MVB12B: variants seen among roughly 807,000 people sequenced by gnomAD.
MVB12B encodes the protein ESCRT-I complex subunit MVB12B.
A neutral mutation model predicts 41.6 loss-of-function variants in MVB12B; 16 were observed. That is an observed-to-expected ratio of 0.38 (90% CI 0.26 to 0.58). MVB12B has a LOEUF of 0.58. Among genes scored for constraint, MVB12B ranks in the 20% least tolerant of loss-of-function variants. The probability of loss-of-function intolerance (pLI) is 0.62; values close to 1 mark genes in which losing one functional copy is unlikely to be tolerated. For missense variants in MVB12B, 274 were observed against 380.2 expected, an observed-to-expected ratio of 0.72 and a Z score of 2.32; for synonymous variants, 133 against 139.7, an observed-to-expected ratio of 0.95 and a Z score of 0.34.
chr9:126,506,106 C>G lies in MVB12B; in HGVS notation c.*2843C>G, dbSNP rs76593810. On this transcript the variant is annotated 3_prime_UTR_variant, in exon 10 of 10. Transcript: ENST00000361171. ...TTGCAAATGTATAATTAAGGCCTTT[C>G]TTCCCACCCCAAGTCCAAGAACAAA... 3.6e-3 allele frequency: 545 copies of G among 152,562 alleles called. 8 individuals carry two copies. The East Asian group carries it at 0.04, about 11-fold the overall frequency. The allele number at this position is 152,562 out of a possible 1,614,324, so 9.5% of individuals were successfully genotyped here.
intron 9 of MVB12B, among the ~76,000 whole-genome samples, chr9:126,500,529 G>A (rs1588216978): frequency 6.6e-6 from 1 of 152,330 alleles, no homozygotes; most frequent in East Asian, 1.9e-4. Context: ...CAGACCAGCA[G>A]CATGGGGTTA....
At chr9:126,385,489 C>T (rs1830757236) in intron 3 of MVB12B, among the ~76,000 whole-genome samples, 1 of 152,122 alleles carries the variant, frequency 6.6e-6, no homozygotes. Context: ...AGCAGCCCTT[C>T]TTCTCTAAGC....
At position 126,377,867 on chromosome 9, in the gene MVB12B, G is replaced by A. The variant is rs530102726; in HGVS notation, c.205-3197G>A. 8.1e-4 allele frequency among the ~76,000 whole-genome samples: 124 copies of A among 152,338 alleles called. 2 individuals are homozygous for A. Among genetic ancestry groups the A allele is most frequent in the Middle Eastern group, 6.8e-3 (2 of 294 alleles). ...AGCCTGACATCACTTTCCAGACTTGGTTCGCTGTCAGAGCAGATGTCCCCT... is the reference window on the plus strand; with the variant it reads ...AGCCTGACATCACTTTCCAGACTTGATTCGCTGTCAGAGCAGATGTCCCCT... On this transcript the variant is annotated intron_variant, in intron 2 of 9. Transcript: ENST00000361171.
At position 126,392,685 on chromosome 9, in the gene MVB12B, G is replaced by C. The variant is rs1830994246; in HGVS notation, c.539+490G>C. On this transcript the variant is annotated intron_variant, in intron 5 of 9. Coordinates refer to ENST00000361171, the MANE Select transcript of MVB12B (RefSeq NM_033446.3). This position sits in a 1 kb window ranked among gnomAD's most constrained non-coding sequence, Gnocchi z 4.8. ...GTGAAGAAAGTGAAACACAATGATG[G>C]AGTGGGGGCCTCTTCCGTGAGGGGG... 6.6e-6 allele frequency among the ~76,000 whole-genome samples: 1 copy of C among 152,244 alleles called. No homozygotes were observed.
chr9:126,397,405 A>T (rs973084792), intron 6 of MVB12B: 11 of 985,476 alleles, frequency 1.1e-5, no homozygotes, highest in Non-Finnish European at 1.3e-5. Context: ...GTAGTGCGTC[A>T]GAACCAGATG....
chr9:126,488,764 G>C (rs1258053414), intron 9 of MVB12B, among the ~76,000 whole-genome samples: 1 of 152,220 alleles, frequency 6.6e-6, no homozygotes, highest in African/African-American at 2.4e-5. Context: ...TGTCCTTCCA[G>C]AACTGCAGCC....
At chr9:126,401,612 T>C (rs1831270384) in intron 6 of MVB12B, among the ~76,000 whole-genome samples, 1 of 152,232 alleles carries the variant, frequency 6.6e-6, no homozygotes, top group South Asian at 2.1e-4. Flanking sequence ...CCCAGGGCTG[T>C]CATCGGAAAG....
chr9:126,423,254 T>G (rs996766332), intron 7 of MVB12B, among the ~76,000 whole-genome samples: 12 of 152,202 alleles, frequency 7.9e-5, no homozygotes, highest in Non-Finnish European at 1.6e-4. Flanking sequence ...CACAAATCTT[T>G]TTCCAGCCAC....
At chr9:126,359,957 A>C (rs1829985064) in intron 2 of MVB12B, among the ~76,000 whole-genome samples, 1 of 151,968 alleles carries the variant, frequency 6.6e-6, no homozygotes, top group Admixed American at 6.6e-5. Flanking sequence ...CACTTTTTAA[A>C]ATTTTTTCTT....
chr9:126,472,499 T>C (rs1255412166), intron 7 of MVB12B, among the ~76,000 whole-genome samples: 2 of 151,748 alleles, frequency 1.3e-5, no homozygotes, highest in Admixed American at 6.6e-5. Context: ...CACCCCCTTT[T>C]TCCTCCTTTA....
At chr9:126,348,720 TTTTC>T (rs1829666043) in intron 2 of MVB12B, among the ~76,000 whole-genome samples, 1 of 152,172 alleles carries the variant, frequency 6.6e-6, no homozygotes, top group African/African-American at 2.4e-5. Context: ...TTGCTTTAAT[TTTTC>T]TTTCTTTTTT....
intron 7 of MVB12B, among the ~76,000 whole-genome samples, chr9:126,475,818 C>G (rs1833407976): frequency 6.6e-6 from 1 of 152,212 alleles, no homozygotes; most frequent in Non-Finnish European, 1.5e-5. Flanking sequence ...GCCAGAAGTT[C>G]AAGACCAGCC....
At chr9:126,396,451 A>C in intron 6 of MVB12B, 7 of 985,522 alleles carry the variant, frequency 7.1e-6, no homozygotes, top group Non-Finnish European at 8.4e-6. Flanking sequence ...TTAGGGATTG[A>C]CATAACGTAA....
At position 126,340,473 on chromosome 9, in the gene MVB12B, G is replaced by C. The variant is rs1442083154; in HGVS notation, c.82-35G>C. ...TATTATTCACATAAATGCTATGTTT[G>C]AATTTTGTGTTTTCTTTTTCCTTTG... On this transcript the variant is annotated intron_variant, in intron 1 of 9. Transcript: ENST00000361171. The surrounding 1 kb of genome is among the most constrained non-coding windows in gnomAD (Gnocchi z 4.0). The C allele has an allele frequency of 1.2e-6, 2 of 1,610,714 alleles. No homozygotes were observed. The highest frequency in any genetic ancestry group is 2.2e-5 in the South Asian group (2 of 90,764).
At chr9:126,471,562 C>T (rs1833316072) in intron 7 of MVB12B, among the ~76,000 whole-genome samples, 1 of 152,174 alleles carries the variant, frequency 6.6e-6, no homozygotes, top group Non-Finnish European at 1.5e-5. Flanking sequence ...CTGGAGGCAT[C>T]TACAAATATC....
chr9:126,456,260 C>A (rs554704666), intron 7 of MVB12B, among the ~76,000 whole-genome samples: 1 of 152,280 alleles, frequency 6.6e-6, no homozygotes, highest in Admixed American at 6.5e-5. Flanking sequence ...TGGATACTTA[C>A]CTCCAAGATA....
At chr9:126,422,301 C>G (rs1278894666) in intron 7 of MVB12B, among the ~76,000 whole-genome samples, 5 of 152,176 alleles carry the variant, frequency 3.3e-5, no homozygotes, top group African/African-American at 1.2e-4. Context: ...CCCTGGTCGG[C>G]TCACCCTCCC....
At chr9:126,499,473 C>T (rs567553895) in intron 9 of MVB12B, among the ~76,000 whole-genome samples, 36 of 152,316 alleles carry the variant, frequency 2.4e-4, no homozygotes, top group African/African-American at 8.2e-4. Context: ...TTCGCAAGTG[C>T]AGGTTTTCCT....
At chr9:126,366,841 G>T (rs923806947) in intron 2 of MVB12B, among the ~76,000 whole-genome samples, 1 of 152,130 alleles carries the variant, frequency 6.6e-6, no homozygotes, top group Non-Finnish European at 1.5e-5. Flanking sequence ...TGTGCTCTCC[G>T]TAGCACGGGG....
Sources: allele counts gnomAD v4.1 joint callset (sites outside exome capture counted in the v4.1 genomes callset), GRCh38; gene constraint gnomAD v4.1.1; non-coding constraint Gnocchi (gnomAD v3.1); transcripts MANE v1.5; gene names NCBI Gene and HGNC (gene_info 2026-07-23, HGNC 2026-07-21).